Variants in PCDH11X observed in about 807,000 individuals in gnomAD.
PCDH11X encodes protocadherin-11 X-linked.
Under a neutral mutation model 53.3 loss-of-function variants are expected in PCDH11X, and 18 were observed. The observed-to-expected ratio is 0.34, with a 90% CI of 0.23 to 0.50. PCDH11X has a LOEUF of 0.50. Among genes scored for constraint, PCDH11X ranks in the 20% least tolerant of loss-of-function variants. The pLI is 0.98. For synonymous variants in PCDH11X, 279 were observed against 393.3 expected, an observed-to-expected ratio of 0.71 and a Z score of 3.44; for missense variants, 570 against 1,032.4, an observed-to-expected ratio of 0.55 and a Z score of 6.14.
intron 10 of PCDH11X, among the ~76,000 whole-genome samples, chrX:92,474,196 T>G (rs1055358016): frequency 1.3e-4 from 15 of 111,396 alleles, no homozygotes; most frequent in Admixed American, 1.9e-4. Flanking sequence ...CCATTTATCA[T>G]TATATAATGA....
At chrX:91,819,469 T>G (rs1936564455) in intron 4 of PCDH11X, among the ~76,000 whole-genome samples, 2 of 109,905 alleles carry the variant, frequency 1.8e-5, no homozygotes, top group Non-Finnish European at 3.8e-5. Flanking sequence ...AAATTTTAGG[T>G]TTTTGAATAA....
chrX:92,468,458 A>T (rs1171641335), intron 10 of PCDH11X, 136 bp downstream of exon 10: 7 of 639,504 alleles, frequency 1.1e-5, no homozygotes, highest in Non-Finnish European at 1.3e-5. Context: ...CACATTTTTG[A>T]TACATTTAAA....
intron 8 of PCDH11X, among the ~76,000 whole-genome samples, chrX:92,334,577 G>A (rs1487720423): frequency 9.0e-6 from 1 of 111,208 alleles, no homozygotes; most frequent in African/African-American, 3.3e-5. Context: ...GGAGCCATAC[G>A]AAGTGCCAGT....
chrX:91,876,071 T>C (rs1337902331), intron 5 of PCDH11X, among the ~76,000 whole-genome samples: 1 of 111,681 alleles, frequency 9.0e-6, no homozygotes, highest in Non-Finnish European at 1.9e-5. Flanking sequence ...TTAGTGACAA[T>C]TCTTTTTAAA....
intron 9 of PCDH11X, chrX:92,460,673 A>T (rs1325580483): frequency 5.3e-6 from 5 of 938,373 alleles, no homozygotes. Context: ...GGTGCAGCTC[A>T]TCGGGATCCT....
chrX:92,604,979 ATAGT>A (rs1187568063), intron 10 of PCDH11X, among the ~76,000 whole-genome samples: 1 of 91,202 alleles, frequency 1.1e-5, no homozygotes, highest in Non-Finnish European at 2.0e-5. Flanking sequence ...CACTTCAGTA[ATAGT>A]TAGATATTTC....
chrX:92,599,821 G>A (rs1013366175), intron 10 of PCDH11X, among the ~76,000 whole-genome samples: 2 of 111,656 alleles, frequency 1.8e-5, no homozygotes, highest in Admixed American at 9.5e-5. Flanking sequence ...TTGTTGAATG[G>A]TGTTGACCAA....
chrX:92,438,419 A>C (rs1384157813), intron 9 of PCDH11X, among the ~76,000 whole-genome samples: 1 of 111,238 alleles, frequency 9.0e-6, no homozygotes, highest in Non-Finnish European at 1.9e-5. Flanking sequence ...GACAAAGTTC[A>C]GGATATTCTA....
chrX:92,023,241 A>C (rs1445725694), intron 6 of PCDH11X, among the ~76,000 whole-genome samples: 1 of 109,772 alleles, frequency 9.1e-6, no homozygotes, highest in Non-Finnish European at 1.9e-5. Flanking sequence ...TAGTTTTTCA[A>C]AAAAAAAAAT....
At chrX:92,235,171 A>AT (rs5902998) in intron 7 of PCDH11X, among the ~76,000 whole-genome samples, 14,635 of 110,329 alleles carry the variant, frequency 0.13, 1,654 homozygotes, top group African/African-American at 0.36. Flanking sequence ...AAAGCACAAA[A>AT]TTTTTTTAAA....
intron 10 of PCDH11X, among the ~76,000 whole-genome samples, chrX:92,586,313 A>G (rs1476152894): frequency 1.8e-5 from 2 of 110,429 alleles, no homozygotes; most frequent in East Asian, 5.7e-4. Flanking sequence ...TCTAATTGCA[A>G]TCCTAAACTA....
In PCDH11X at chrX:91,824,467, C is replaced by A. The variant is rs796857203; in HGVS notation, c.-44-10994C>A. On this transcript the variant is annotated intron_variant, in intron 4 of 10. Transcript: ENST00000682573. ...TACCCTTTCTTCCAGTTGATCGCAT[C>A]GGCTCCTGAGGCTTCTGCATTCTTC... Among the ~76,000 whole-genome samples the A allele has an allele frequency of 7.5e-4, 83 of 111,254 alleles. No individual in the cohort carries two copies. In the South Asian group the frequency reaches 0.032, roughly 43 times the overall value.
intron 6 of PCDH11X, among the ~76,000 whole-genome samples, chrX:91,960,469 C>T (rs902199482): frequency 5.4e-5 from 6 of 110,428 alleles, no homozygotes; most frequent in East Asian, 2.9e-4. Flanking sequence ...CTGTCTCCTA[C>T]GCTGGAGTGC....
chrX:92,357,158 T>C (rs1383564751), intron 8 of PCDH11X, among the ~76,000 whole-genome samples: 11 of 109,903 alleles, frequency 1.0e-4, no homozygotes, highest in Non-Finnish European at 1.3e-4. Context: ...CTTATATTGC[T>C]CAAAAGAGAA....
At chrX:92,492,262 C>A (rs1415524895) in intron 10 of PCDH11X, among the ~76,000 whole-genome samples, 1 of 111,956 alleles carries the variant, frequency 8.9e-6, no homozygotes, top group Non-Finnish European at 1.9e-5. Flanking sequence ...ACTTACATTT[C>A]TACAATAAAG....
chrX:92,499,699 G>GT (rs1270168068), intron 10 of PCDH11X, among the ~76,000 whole-genome samples: 2 of 88,137 alleles, frequency 2.3e-5, no homozygotes, highest in Non-Finnish European at 4.3e-5. Context: ...AGGTGTGGTG[G>GT]TATGTGACTA....
At chrX:92,054,820 CAAAAAAAAAAAAAA>C (rs1174448342) in intron 6 of PCDH11X, among the ~76,000 whole-genome samples, 6 of 25,349 alleles carry the variant, frequency 2.4e-4, no homozygotes, top group African/African-American at 6.5e-4. Flanking sequence ...AACTCTGTCT[CAAAAAAAAAAAAAA>C]AAAAAAAAAA....
intron 6 of PCDH11X, among the ~76,000 whole-genome samples, chrX:91,980,575 G>T (rs1165781388): frequency 1.8e-5 from 2 of 110,230 alleles, no homozygotes; most frequent in African/African-American, 6.6e-5. Flanking sequence ...GAGTAGCTGG[G>T]ACTACAGGCT....
intron 10 of PCDH11X, among the ~76,000 whole-genome samples, chrX:92,617,620 A>T (rs1488871405): frequency 9.1e-6 from 1 of 110,480 alleles, no homozygotes; most frequent in African/African-American, 3.3e-5. Flanking sequence ...GACTATAGAG[A>T]AATTTCATAA....
Sources: allele counts gnomAD v4.1 joint callset (sites outside exome capture counted in the v4.1 genomes callset), GRCh38; gene constraint gnomAD v4.1.1; transcripts MANE v1.5; gene names NCBI Gene and HGNC (gene_info 2026-07-23, HGNC 2026-07-21).